CA10: variants seen among roughly 807,000 people sequenced by gnomAD.
CA10 encodes carbonic anhydrase 10 (inactive).
In CA10, 14 loss-of-function variants were observed where a neutral mutation model predicts 44.2. The ratio of observed to expected loss-of-function variants is 0.32; its 90% CI spans 0.21 to 0.50. The LOEUF is 0.50. CA10 is among the 20% of genes least tolerant of loss of function. The pLI is 0.99. For synonymous variants in CA10, 159 were observed against 141.6 expected, an observed-to-expected ratio of 1.12 and a Z score of -0.87; for missense variants, 350 against 409.7, an observed-to-expected ratio of 0.85 and a Z score of 1.26.
chr17:51,845,976 A>G (rs977663032), intron 3 of CA10, among the ~76,000 whole-genome samples: 1 of 152,168 alleles, frequency 6.6e-6, no homozygotes, highest in Non-Finnish European at 1.5e-5. Flanking sequence ...GGGAATTCAC[A>G]TATCTATGTG....
chr17:52,043,489 A>C (rs1317686806), intron 2 of CA10, among the ~76,000 whole-genome samples: 2 of 151,894 alleles, frequency 1.3e-5, no homozygotes, highest in Non-Finnish European at 2.9e-5. Context: ...TCTATAAATA[A>C]GATTATGTCA....
At chr17:51,788,013 TCTTG>T (rs1455871098) in intron 3 of CA10, among the ~76,000 whole-genome samples, 6 of 152,196 alleles carry the variant, frequency 3.9e-5, no homozygotes, top group Non-Finnish European at 5.9e-5. Context: ...GTTGGTTTGC[TCTTG>T]CTTTTCTAGT....
chr17:51,768,092 A>G (rs1905456618), intron 3 of CA10, among the ~76,000 whole-genome samples: 1 of 151,572 alleles, frequency 6.6e-6, no homozygotes, highest in South Asian at 2.1e-4. Flanking sequence ...ATTTGCCACA[A>G]TTTCCTTCGG....
chr17:51,722,672 A>G (rs533694631), intron 4 of CA10, among the ~76,000 whole-genome samples: 39 of 152,190 alleles, frequency 2.6e-4, no homozygotes, highest in Non-Finnish European at 4.1e-4. Flanking sequence ...TTGGGAGGAC[A>G]TTTCAACTAG....
At chr17:51,665,213 A>C (rs1039181951) in intron 4 of CA10, among the ~76,000 whole-genome samples, 1 of 152,202 alleles carries the variant, frequency 6.6e-6, no homozygotes, top group Non-Finnish European at 1.5e-5. Flanking sequence ...TTAATTGCAT[A>C]AAGTATGATA....
At chr17:51,803,672 GA>G (rs1907021829) in intron 3 of CA10, among the ~76,000 whole-genome samples, 1 of 152,136 alleles carries the variant, frequency 6.6e-6, no homozygotes, top group African/African-American at 2.4e-5. Flanking sequence ...TATCCTCTAC[GA>G]CTCAGTTTGC....
chr17:51,651,000 A>G (rs896557816), intron 5 of CA10, among the ~76,000 whole-genome samples: 1 of 152,218 alleles, frequency 6.6e-6, no homozygotes, highest in Non-Finnish European at 1.5e-5. Flanking sequence ...CTGTGGTCAC[A>G]GCAAGGGTGG....
chr17:51,882,431 T>G (rs1980416813), intron 3 of CA10, among the ~76,000 whole-genome samples: 1 of 152,202 alleles, frequency 6.6e-6, no homozygotes, highest in Non-Finnish European at 1.5e-5. Context: ...ACCTCATTAA[T>G]GCCAATTGTA....
intron 3 of CA10, among the ~76,000 whole-genome samples, chr17:51,788,502 C>T (rs1474783579): frequency 6.6e-6 from 1 of 152,180 alleles, no homozygotes; most frequent in Non-Finnish European, 1.5e-5. Flanking sequence ...ACATGATGAC[C>T]TCCATCTAAA....
chr17:52,026,457 T>G (rs1176738739), intron 2 of CA10, among the ~76,000 whole-genome samples: 1 of 152,108 alleles, frequency 6.6e-6, no homozygotes, highest in African/African-American at 2.4e-5. Flanking sequence ...AGGCAGATGA[T>G]GGGAGAAAAC....
intron 3 of CA10, among the ~76,000 whole-genome samples, chr17:51,824,488 G>A (rs996377484): frequency 6.6e-6 from 1 of 152,170 alleles, no homozygotes. Context: ...AAAATAACTT[G>A]TAATGTACTT....
chr17:52,151,286 C>G (rs558229240), intron 1 of CA10, among the ~76,000 whole-genome samples: 25 of 152,224 alleles, frequency 1.6e-4, no homozygotes, highest in African/African-American at 5.5e-4. Flanking sequence ...CCCAATCCAC[C>G]ATACTTTGAT....
Position 51,877,059 on chromosome 17 carries a change from G to A in CA10, c.279+53931C>T, listed in dbSNP as rs1470822052. 2.0e-5 allele frequency among the ~76,000 whole-genome samples: 3 copies of A among 152,296 alleles called. No homozygotes were observed. In the East Asian group the frequency reaches 5.8e-4, roughly 29 times the overall value. On this transcript the variant is annotated intron_variant, in intron 3 of 8. Coordinates refer to ENST00000451037, the MANE Select transcript of CA10 (RefSeq NM_020178.5). ...TTCCTGCTCCTTTTAGGTTGCATGTGACTATATGAATTGGCTTGGCTAGAG... is the reference window on the plus strand; with the variant it reads ...TTCCTGCTCCTTTTAGGTTGCATGTAACTATATGAATTGGCTTGGCTAGAG...
chr17:51,839,663 A>G (rs1273735507), intron 3 of CA10, among the ~76,000 whole-genome samples: 1 of 152,198 alleles, frequency 6.6e-6, no homozygotes, highest in African/African-American at 2.4e-5. Context: ...AAGTAATGAC[A>G]GGGGACCCTG....
chr17:51,906,209 T>G (rs554801019), intron 3 of CA10, among the ~76,000 whole-genome samples: 1 of 152,236 alleles, frequency 6.6e-6, no homozygotes, highest in Non-Finnish European at 1.5e-5. Flanking sequence ...GTCAAAAAAT[T>G]TTTAAATAGT....
In CA10 at chr17:52,158,672, C is replaced by T. The variant is rs369239865; in HGVS notation, c.-886G>A. 2 of 152,630 alleles carry T rather than the reference C, an allele frequency of 1.3e-5. No homozygotes were observed. The highest frequency in any genetic ancestry group is 2.9e-5 in the Non-Finnish European group (2 of 68,382). 9.5% of individuals were successfully genotyped at this position (152,630 alleles called of 1,614,324 possible). On this transcript the variant is annotated 5_prime_UTR_variant, in exon 1 of 9. An upstream start codon of the reference 5' UTR is lost. Transcript: ENST00000451037. ...CCAGAACCCCCAGTTGCCTGGCTTCCATCGCCCGCAACTAGCGCCGCTGTC... is the reference window on the plus strand; with the variant it reads ...CCAGAACCCCCAGTTGCCTGGCTTCTATCGCCCGCAACTAGCGCCGCTGTC...
At chr17:51,653,349 T>G (rs1435066050) in intron 5 of CA10, among the ~76,000 whole-genome samples, 1 of 152,166 alleles carries the variant, frequency 6.6e-6, no homozygotes, top group East Asian at 1.9e-4. Flanking sequence ...TTTCACTGCA[T>G]TAGGTGGGTC....
At chr17:51,640,390 A>T (rs903430604) in intron 6 of CA10, among the ~76,000 whole-genome samples, 1 of 152,098 alleles carries the variant, frequency 6.6e-6, no homozygotes, top group Non-Finnish European at 1.5e-5. Flanking sequence ...CTCACACCCT[A>T]AGACATCAGG....
At chr17:51,711,720 T>C (rs1915948537) in intron 4 of CA10, among the ~76,000 whole-genome samples, 1 of 152,188 alleles carries the variant, frequency 6.6e-6, no homozygotes, top group East Asian at 1.9e-4. Context: ...TCTGAGCCCA[T>C]AGGAGGGCGC....
Sources: allele counts gnomAD v4.1 joint callset (sites outside exome capture counted in the v4.1 genomes callset), GRCh38; gene constraint gnomAD v4.1.1; transcripts MANE v1.5; gene names NCBI Gene and HGNC (gene_info 2026-07-23, HGNC 2026-07-21).